DIP2C: variants seen among roughly 807,000 people sequenced by gnomAD.
The protein encoded by DIP2C is DIP2 acetate--CoA ligase C (putative), also known as disco-interacting protein 2 homolog C.
Under a neutral mutation model 192.4 loss-of-function variants are expected in DIP2C, and 33 were observed. That is an observed-to-expected ratio of 0.17 (90% CI 0.13 to 0.23). DIP2C has a LOEUF of 0.23. DIP2C is among the 10% of genes least tolerant of loss of function. The probability of loss-of-function intolerance (pLI) is 1.00; values close to 1 mark genes in which losing one functional copy is unlikely to be tolerated. For synonymous variants in DIP2C, 979 were observed against 864.1 expected (o/e 1.13, Z -2.33); for missense variants, 1,537 against 2,110.1 (o/e 0.73, Z 5.32).
intron 32 of DIP2C, among the ~76,000 whole-genome samples, chr10:290,952 G>A (rs1292571803): frequency 6.6e-6 from 1 of 152,248 alleles, no homozygotes; most frequent in Non-Finnish European, 1.5e-5. Context: ...CAGGGTAAGG[G>A]GGTCACTCAG....
Position 661,713 on chromosome 10 carries a change from C to T in DIP2C, c.85+27781G>A, listed in dbSNP as rs552723132. 2.0e-5 allele frequency among the ~76,000 whole-genome samples: 3 copies of T among 152,322 alleles called. No homozygotes were observed. In the East Asian group the frequency reaches 5.8e-4, roughly 29 times the overall value. The stretch of plus-strand genomic sequence containing the variant: ...GCCTCCTCTCTCCCGACATGCACAC[C>T]TCACACTCTGGCTCCTTGACCTGCA... On this transcript the variant is annotated intron_variant, in intron 1 of 36. Coordinates refer to ENST00000280886, the MANE Select transcript of DIP2C (RefSeq NM_014974.3).
chr10:548,141 C>T (rs1004877397), intron 1 of DIP2C, among the ~76,000 whole-genome samples: 4 of 151,776 alleles, frequency 2.6e-5, no homozygotes, highest in African/African-American at 7.3e-5. Flanking sequence ...CCCACCTCTG[C>T]CCCAGTGCAC....
intron 3 of DIP2C, among the ~76,000 whole-genome samples, chr10:468,996 A>G (rs1343196361): frequency 6.6e-6 from 1 of 151,954 alleles, no homozygotes; most frequent in East Asian, 1.9e-4. Flanking sequence ...ATTGGAGACC[A>G]TCATCTGTGC....
chr10:592,801 G>C (rs951177559), intron 1 of DIP2C, among the ~76,000 whole-genome samples: 1 of 152,112 alleles, frequency 6.6e-6, no homozygotes, highest in Non-Finnish European at 1.5e-5. Flanking sequence ...CTCCAGTTAA[G>C]TTAGTAGAAT....
chr10:346,490 CCCCACACGCACCCAGACACATCGCGCATA>C (rs1958465567), intron 26 of DIP2C, among the ~76,000 whole-genome samples: 1 of 133,114 alleles, frequency 7.5e-6, no homozygotes, highest in Non-Finnish European at 1.6e-5. Flanking sequence ...CTCCCGGAAA[CCCCACACGCACCCAGACACATCGCGCATA>C]GTTCTCCCGG....
intron 1 of DIP2C, among the ~76,000 whole-genome samples, chr10:658,243 C>G (rs373167332): frequency 5.3e-3 from 807 of 151,198 alleles, no homozygotes; most frequent in African/African-American, 0.019. Context: ...GCCGCTGGAC[C>G]TGATGCTGGA....
intron 1 of DIP2C, among the ~76,000 whole-genome samples, chr10:595,049 C>T (rs1042545650): frequency 4.6e-5 from 7 of 152,220 alleles, no homozygotes; most frequent in Admixed American, 4.6e-4. Flanking sequence ...TGCCCGTTCA[C>T]ATCCACCGAC....
At chr10:378,423 G>A (rs912083071) in intron 17 of DIP2C, among the ~76,000 whole-genome samples, 1 of 152,188 alleles carries the variant, frequency 6.6e-6, no homozygotes, top group Non-Finnish European at 1.5e-5. Context: ...AGGCATGCAT[G>A]CATGAACAGG....
chr10:334,939 ATAT>A lies in DIP2C; in HGVS notation c.3585-5341_3585-5339del, dbSNP rs1183591635. 3.3e-5 allele frequency among the ~76,000 whole-genome samples: 5 copies of A among 152,114 alleles called. 1 individual carries two copies. The highest frequency in any genetic ancestry group is 1.2e-4 in the African/African-American group (5 of 41,410). ...GTGGGTCCTTTATATTTACTTCAGG[ATAT>A]TATCAATTTCTGCCCCAAAAAACCC... is the stretch of plus-strand genomic sequence containing the variant. On this transcript the variant is annotated intron_variant, in intron 29 of 36. Transcript: ENST00000280886.
chr10:415,087 A>G (rs1433570779), intron 7 of DIP2C, among the ~76,000 whole-genome samples: 1 of 151,832 alleles, frequency 6.6e-6, no homozygotes, highest in Non-Finnish European at 1.5e-5. Flanking sequence ...AATAACAGGA[A>G]CACGGAGTGA....
At chr10:551,929 C>G (rs1354660711) in intron 1 of DIP2C, among the ~76,000 whole-genome samples, 2 of 152,188 alleles carry the variant, frequency 1.3e-5, no homozygotes, top group East Asian at 3.9e-4. Context: ...CCCAGGACAC[C>G]CCTGCCAGCA....
At chr10:414,784 T>C (rs1432188565) in intron 7 of DIP2C, among the ~76,000 whole-genome samples, 1 of 140,966 alleles carries the variant, frequency 7.1e-6, no homozygotes, top group African/African-American at 2.6e-5. Context: ...TGTGTATATA[T>C]ATATAAAATG....
chr10:613,912 T>G (rs1302888945), intron 1 of DIP2C, among the ~76,000 whole-genome samples: 1 of 152,066 alleles, frequency 6.6e-6, no homozygotes, highest in Non-Finnish European at 1.5e-5. Flanking sequence ...TGGAAACACC[T>G]GACCTCTTGT....
At chr10:404,276 T>G (rs1489611278) in intron 9 of DIP2C, among the ~76,000 whole-genome samples, 4 of 151,704 alleles carry the variant, frequency 2.6e-5, no homozygotes, top group African/African-American at 9.7e-5. Context: ...TAGTGCAATC[T>G]CGGCTCACTG....
chr10:658,030 CCCTTGGACCTGT>C (rs1856499926), intron 1 of DIP2C, among the ~76,000 whole-genome samples: 1 of 147,682 alleles, frequency 6.8e-6, no homozygotes, highest in African/African-American at 2.5e-5. Context: ...CCTGGACCTG[CCCTTGGACCTGT>C]CCCTGGACCT....
At chr10:357,654 G>T (rs552577680) in intron 23 of DIP2C, among the ~76,000 whole-genome samples, 174 bp downstream of exon 23, 1 of 152,340 alleles carries the variant, frequency 6.6e-6, no homozygotes, top group African/African-American at 2.4e-5. Flanking sequence ...CGCGACATCG[G>T]AGACTGTCGG....
chr10:415,642 T>C (rs1207687703), intron 7 of DIP2C, 127 bp downstream of exon 7: 3 of 1,315,818 alleles, frequency 2.3e-6, no homozygotes, highest in Non-Finnish European at 3.2e-6. Context: ...CTACCTGGGT[T>C]CCCATCATGC....
chr10:498,532 C>A (rs367842268), intron 1 of DIP2C, among the ~76,000 whole-genome samples: 17 of 152,352 alleles, frequency 1.1e-4, no homozygotes, highest in African/African-American at 3.6e-4. Flanking sequence ...GCTTCTTCCT[C>A]CCTGCTGCCC....
chr10:495,078 C>T (rs1348489824), intron 1 of DIP2C, among the ~76,000 whole-genome samples: 2 of 152,222 alleles, frequency 1.3e-5, no homozygotes. Context: ...CTTACAAAAA[C>T]ATGGATAAAC....
Sources: gnomAD v4.1 joint callset for allele counts (sites outside exome capture counted in the v4.1 genomes callset) on GRCh38, gnomAD v4.1.1 for gene constraint, MANE v1.5 for transcripts, NCBI Gene and HGNC (gene_info 2026-07-23, HGNC 2026-07-21) for gene names.